Variants in GAP43 observed in about 807,000 individuals in gnomAD.
The protein encoded by GAP43 is neuromodulin.
GAP43 carries 6 observed loss-of-function variants against 18.6 expected under a neutral mutation model. The observed-to-expected ratio is 0.32, with a 90% CI of 0.18 to 0.64. The LOEUF (loss-of-function observed/expected upper bound fraction) is 0.64. Among genes scored for constraint, GAP43 ranks in the 30% least tolerant of loss-of-function variants. The pLI, the probability that GAP43 is intolerant of heterozygous loss-of-function variation, is 0.78. For missense variants in GAP43, 292 were observed against 295.5 expected (o/e 0.99, Z 0.09); for synonymous variants, 115 against 111.4 (o/e 1.03, Z -0.20).
intron 2 of GAP43, among the ~76,000 whole-genome samples, chr3:115,706,605 C>A (rs779986659): frequency 6.6e-6 from 1 of 152,166 alleles, no homozygotes; most frequent in Admixed American, 6.6e-5. Context: ...TGCTTAGTAG[C>A]CTTGATTCTT....
At chr3:115,704,875 C>G (rs576534861) in intron 2 of GAP43, among the ~76,000 whole-genome samples, 1 of 152,270 alleles carries the variant, frequency 6.6e-6, no homozygotes, top group East Asian at 1.9e-4. Context: ...CAGATCATCT[C>G]TAAGGTCTCC....
At chr3:115,668,564 ACAG>A (rs1708763388) in intron 1 of GAP43, among the ~76,000 whole-genome samples, 1 of 152,134 alleles carries the variant, frequency 6.6e-6, no homozygotes, top group Non-Finnish European at 1.5e-5. Flanking sequence ...AGCTGGGATT[ACAG>A]GCATGTGCCA....
chr3:115,706,399 G>C (rs554428497), intron 2 of GAP43, among the ~76,000 whole-genome samples: 1 of 32,996 alleles, frequency 3.0e-5, no homozygotes, highest in Non-Finnish European at 8.8e-5. Context: ...TACCCAGCTG[G>C]GGGGTAGGCT....
intron 1 of GAP43, among the ~76,000 whole-genome samples, chr3:115,658,229 G>C (rs187521190): frequency 6.6e-6 from 1 of 152,128 alleles, no homozygotes; most frequent in Non-Finnish European, 1.5e-5. Flanking sequence ...GGAGAGGAGA[G>C]GGTTGAAGCA....
At chr3:115,634,539 G>T (rs1350893217) in intron 1 of GAP43, among the ~76,000 whole-genome samples, 2 of 152,090 alleles carry the variant, frequency 1.3e-5, no homozygotes, top group Admixed American at 1.3e-4. Context: ...AATTCGGGAG[G>T]CTGAGGCTGG....
chr3:115,635,744 A>G (rs1708321070), intron 1 of GAP43, among the ~76,000 whole-genome samples: 1 of 151,972 alleles, frequency 6.6e-6, no homozygotes. Flanking sequence ...AATAAGTGTG[A>G]GCACTAGTAT....
At chr3:115,661,739 C>T (rs181212405) in intron 1 of GAP43, among the ~76,000 whole-genome samples, 8 of 151,332 alleles carry the variant, frequency 5.3e-5, no homozygotes, top group African/African-American at 1.2e-4. Flanking sequence ...CCACCCGCCT[C>T]GGCCTCCCAA....
At chr3:115,641,946 C>A (rs976007066) in intron 1 of GAP43, among the ~76,000 whole-genome samples, 1 of 152,056 alleles carries the variant, frequency 6.6e-6, no homozygotes, top group Non-Finnish European at 1.5e-5. Flanking sequence ...TCCTCTGAAA[C>A]CCCCTGTTGA....
intron 2 of GAP43, among the ~76,000 whole-genome samples, chr3:115,699,846 G>A (rs1709275014): frequency 6.6e-6 from 1 of 152,164 alleles, no homozygotes; most frequent in South Asian, 2.1e-4. Flanking sequence ...GCATTTTCAG[G>A]ATAGAGCTTG....
At chr3:115,687,478 A>G (rs914608931) in intron 2 of GAP43, among the ~76,000 whole-genome samples, 1 of 152,232 alleles carries the variant, frequency 6.6e-6, no homozygotes, top group Non-Finnish European at 1.5e-5. Context: ...CACTGGTATT[A>G]AAACCATGCA....
In GAP43 at chr3:115,676,507, T is replaced by C. The variant is rs762683741; in HGVS notation, c.525T>C (p.Thr175=). ...AAGCCGATGTGCCTGCTGCTGTCAC[T>C]GCTGCTGCTGCCACCACCCCTGCCG... ...PKQADVPAAV[T]AAAATTPAAE... Residue 175 remains threonine, a synonymous_variant, in exon 2 of 3, where the codon ACT becomes ACC. Coordinates refer to ENST00000305124, the MANE Select transcript of GAP43 (RefSeq NM_002045.4). 3 of 1,612,300 alleles carry C rather than the reference T, an allele frequency of 1.9e-6. No individual in the cohort carries two copies. The highest frequency in any genetic ancestry group is 2.2e-5 in the South Asian group (2 of 90,870).
rs746738475 is a variant in GAP43, at chr3:115,698,027, GTATATAAAATATATATTATATAT to G, written c.628+21441_628+21463del. ...TGTGTGTGTATAAAATATATAACAT[GTATATAAAATATATATTATATAT>G]TATATAAAATATATATTATATATAA... is the stretch of plus-strand genomic sequence containing the variant. On this transcript the variant is annotated intron_variant, in intron 2 of 2. Transcript: ENST00000305124. 2.2e-3 allele frequency among the ~76,000 whole-genome samples: 167 copies of G among 77,544 alleles called. 6 individuals carry two copies. The highest frequency in any genetic ancestry group is 7.4e-3 in the African/African-American group (120 of 16,158). 50.9% of individuals were successfully genotyped at this position (77,544 alleles called of 152,430 possible).
Position 115,663,944 on chromosome 3 carries a change from C to T in GAP43, c.31-12069C>T, listed in dbSNP as rs187989039. ...AATTTTACCTCACATGTAACCTATA[C>T]AAGTATTTTAGGTTAAAACCCTGAC... On this transcript the variant is annotated intron_variant, in intron 1 of 2. Coordinates refer to ENST00000305124, the MANE Select transcript of GAP43 (RefSeq NM_002045.4). 3.6e-5 allele frequency: 55 copies of T among 1,548,506 alleles called. No individual in the cohort carries two copies. The East Asian group carries it at 5.6e-4, about 16-fold the overall frequency.
intron 2 of GAP43, among the ~76,000 whole-genome samples, chr3:115,698,262 TAA>T (rs1301897081): frequency 7.4e-5 from 1 of 13,438 alleles, no homozygotes; most frequent in African/African-American, 1.3e-4. Flanking sequence ...ATAATATATA[TAA>T]AATATATATT....
rs1468463710 is a variant in GAP43 at position 115,718,109 on chromosome 3, C to T, written c.629-2685C>T. Among the ~76,000 whole-genome samples the T allele has an allele frequency of 6.6e-5, 10 of 152,224 alleles. 1 individual carries two copies. The highest frequency in any genetic ancestry group is 6.5e-4 in the Admixed American group (10 of 15,274). The stretch of plus-strand genomic sequence containing the variant: ...TCTCATTTCCTAATCTCCCTCTAAG[C>T]ATACATAATAGCTCCCATGTCTTTA... On this transcript the variant is annotated intron_variant, in intron 2 of 2. Coordinates refer to ENST00000305124, the MANE Select transcript of GAP43 (RefSeq NM_002045.4).
intron 2 of GAP43, among the ~76,000 whole-genome samples, chr3:115,696,354 AT>A (rs1390868410): frequency 6.6e-6 from 1 of 152,008 alleles, no homozygotes; most frequent in Non-Finnish European, 1.5e-5. Context: ...CATTAAATCT[AT>A]GAGCAAGTCT....
chr3:115,676,715 G>T, intron 2 of GAP43, 105 bp downstream of exon 2: 1 of 1,215,628 alleles, frequency 8.2e-7, no homozygotes, highest in Non-Finnish European at 1.1e-6. Context: ...AAGTCTAGAA[G>T]ATGTTTTCCA....
chr3:115,673,958 T>G (rs1265595953), intron 1 of GAP43, among the ~76,000 whole-genome samples: 4 of 152,238 alleles, frequency 2.6e-5, no homozygotes, highest in African/African-American at 9.6e-5. Context: ...TCAAAAATAC[T>G]TTTGTGTATC....
intron 1 of GAP43, among the ~76,000 whole-genome samples, chr3:115,645,221 T>G (rs1708443711): frequency 6.6e-6 from 1 of 152,044 alleles, no homozygotes; most frequent in Non-Finnish European, 1.5e-5. Flanking sequence ...TCTATTCCCT[T>G]TACAGGATTC....
Sources: gnomAD v4.1 joint callset for allele counts (sites outside exome capture counted in the v4.1 genomes callset) on GRCh38, gnomAD v4.1.1 for gene constraint, MANE v1.5 for transcripts, NCBI Gene and HGNC (gene_info 2026-07-23, HGNC 2026-07-21) for gene names.